Variants in ATRX observed in about 807,000 individuals in gnomAD.
ATRX encodes the protein chromatin remodeler ATRX.
ATRX carries 12 observed loss-of-function variants against 172.6 expected under a neutral mutation model. The observed-to-expected ratio is 0.07, with a 90% CI of 0.04 to 0.11. The LOEUF (loss-of-function observed/expected upper bound fraction) is 0.11. Ranked by LOEUF, ATRX falls within the 10% of genes least tolerant of loss-of-function variation. The pLI is 1.00. For missense variants in ATRX, 1,368 were observed against 1,767.4 expected, an observed-to-expected ratio of 0.77 and a Z score of 4.05; for synonymous variants, 674 against 594.7, an observed-to-expected ratio of 1.13 and a Z score of -1.94.
rs1351140430 is a variant in ATRX, at chrX:77,505,870, T to C, written c.*2481A>G. ...CCTTATATATATTACAAAACAGCCT[T>C]AAAGGAAGAAGTGACATCTTTTCTA... On this transcript the variant is annotated 3_prime_UTR_variant, in exon 35 of 35. Coordinates refer to ENST00000373344, the MANE Select transcript of ATRX (RefSeq NM_000489.6). 1 of 168,034 alleles carries C rather than the reference T, an allele frequency of 6.0e-6. No individual in the cohort carries two copies. Among genetic ancestry groups the C allele is most frequent in the Non-Finnish European group, 1.1e-5 (1 of 87,589 alleles). The allele number at this position is 168,034 out of a possible 1,213,427, so 13.8% of individuals were successfully genotyped here. A position where few individuals can be genotyped will look rare whatever the true frequency, so the allele number is the denominator to read the frequency against.
intron 1 of ATRX, among the ~76,000 whole-genome samples, chrX:77,778,032 G>A (rs984487497): frequency 2.8e-5 from 3 of 107,548 alleles, no homozygotes; most frequent in African/African-American, 3.4e-5. Flanking sequence ...GCTACTCGGA[G>A]GCTGAGGCAG....
chrX:77,615,067 T>C (rs1036667302), intron 22 of ATRX, among the ~76,000 whole-genome samples: 12 of 111,546 alleles, frequency 1.1e-4, no homozygotes, highest in African/African-American at 3.9e-4. Flanking sequence ...GGCACAATCA[T>C]GTCTCACTGC....
chrX:77,766,557 C>A (rs1333260034), intron 1 of ATRX, among the ~76,000 whole-genome samples: 1 of 108,426 alleles, frequency 9.2e-6, no homozygotes, highest in Non-Finnish European at 1.9e-5. Flanking sequence ...CGCAGCCGGG[C>A]AGAGGCGCTC....
At chrX:77,710,191 C>A (rs1438985894) in intron 2 of ATRX, among the ~76,000 whole-genome samples, 1 of 109,245 alleles carries the variant, frequency 9.2e-6, no homozygotes, top group Admixed American at 9.8e-5. Flanking sequence ...CCCAGCTACT[C>A]CGGAGGCTGA....
At chrX:77,774,273 G>A (rs2076270738) in intron 1 of ATRX, among the ~76,000 whole-genome samples, 1 of 110,777 alleles carries the variant, frequency 9.0e-6, no homozygotes, top group Non-Finnish European at 1.9e-5. Context: ...GAAATATAAT[G>A]AGTGTTCTAG....
chrX:77,573,158 A>G (rs1191814174), intron 28 of ATRX, among the ~76,000 whole-genome samples: 1 of 112,137 alleles, frequency 8.9e-6, no homozygotes, highest in Non-Finnish European at 1.9e-5. Context: ...CAGCATGTAC[A>G]AAGGCAATCT....
chrX:77,616,495 T>C, intron 22 of ATRX, 118 bp downstream of exon 22: 1 of 1,180,674 alleles, frequency 8.5e-7, no homozygotes, highest in Non-Finnish European at 1.1e-6. Flanking sequence ...GCATACCCAT[T>C]TTATTCAAAT....
At chrX:77,590,496 C>A (rs1395988794) in intron 26 of ATRX, among the ~76,000 whole-genome samples, 2 of 107,559 alleles carry the variant, frequency 1.9e-5, no homozygotes, top group African/African-American at 3.4e-5. Context: ...CCCGTAGTCC[C>A]AGCTACTCGG....
chrX:77,756,570 G>T (rs1324443991), intron 1 of ATRX, among the ~76,000 whole-genome samples: 2 of 110,266 alleles, frequency 1.8e-5, no homozygotes, highest in Non-Finnish European at 1.9e-5. Context: ...TAGACTCACG[G>T]GTTCCTTTGG....
chrX:77,594,125 G>T (rs2066385858), intron 25 of ATRX: 1 of 247,599 alleles, frequency 4.0e-6, no homozygotes, highest in African/African-American at 2.8e-5. Flanking sequence ...GAGTGCAAGT[G>T]TAAGAGACAA....
In ATRX at chrX:77,505,448, G is replaced by C. The variant is rs1278521314; in HGVS notation, c.*2903C>G. The C allele has an allele frequency of 5.8e-6, 1 of 172,592 alleles. No homozygotes were observed. Among genetic ancestry groups the C allele is most frequent in the African/African-American group, 3.0e-5 (1 of 33,701 alleles). 14.2% of individuals were successfully genotyped at this position (172,592 alleles called of 1,213,427 possible). On this transcript the variant is annotated 3_prime_UTR_variant, in exon 35 of 35. Coordinates refer to ENST00000373344, the MANE Select transcript of ATRX (RefSeq NM_000489.6). ...TTACAGCTGTTGGGAAACAGGAAAT[G>C]GGGCTGGATTACACAAAGACATCCA...
intron 22 of ATRX, among the ~76,000 whole-genome samples, chrX:77,608,103 C>T (rs1186017305): frequency 9.1e-6 from 1 of 109,317 alleles, no homozygotes; most frequent in Non-Finnish European, 1.9e-5. Context: ...ATAGGCCGGC[C>T]GGGCACAGTG....
intron 2 of ATRX, among the ~76,000 whole-genome samples, chrX:77,713,373 C>T (rs2073207162): frequency 9.0e-6 from 1 of 111,245 alleles, no homozygotes; most frequent in African/African-American, 3.3e-5. Context: ...GCACATCACA[C>T]ACCCTGATCT....
intron 27 of ATRX, among the ~76,000 whole-genome samples, chrX:77,574,576 T>A (rs1231809937): frequency 1.8e-5 from 2 of 112,235 alleles, no homozygotes; most frequent in African/African-American, 6.4e-5. Flanking sequence ...AGCACAGGTA[T>A]TTTTAAAGCC....
intron 7 of ATRX, among the ~76,000 whole-genome samples, chrX:77,688,098 C>T (rs1160292457): frequency 2.7e-5 from 3 of 110,237 alleles, no homozygotes; most frequent in Non-Finnish European, 1.9e-5. Context: ...CCACCATGCC[C>T]GGCTAATTTT....
At chrX:77,641,222 G>T (rs1369955973) in intron 15 of ATRX, among the ~76,000 whole-genome samples, 1 of 111,246 alleles carries the variant, frequency 9.0e-6, no homozygotes, top group Admixed American at 9.6e-5. Flanking sequence ...CAACAAAAAT[G>T]GGACAAGAAG....
rs181458593 is a variant in ATRX, at chrX:77,743,568, A to G, written c.21-26325T>C. ...CTCCCAGGGGACAGAGGTCAGGGAT[A>G]ACACCCTACCAGTACCGCCTCAGCT... is the stretch of plus-strand genomic sequence containing the variant. On this transcript the variant is annotated intron_variant, in intron 1 of 34. Coordinates refer to ENST00000373344, the MANE Select transcript of ATRX (RefSeq NM_000489.6). 2.0e-4 allele frequency among the ~76,000 whole-genome samples: 22 copies of G among 111,442 alleles called. 1 individual carries two copies. Among genetic ancestry groups the G allele is most frequent in the Admixed American group, 4.8e-4 (5 of 10,456 alleles).
intron 15 of ATRX, among the ~76,000 whole-genome samples, chrX:77,645,982 G>A (rs1391685427): frequency 9.0e-6 from 1 of 111,338 alleles, no homozygotes; most frequent in Non-Finnish European, 1.9e-5. Context: ...AAAGTGAGAT[G>A]GGAATCAAAA....
At chrX:77,509,556 C>T (rs992425991) in intron 34 of ATRX, among the ~76,000 whole-genome samples, 5 of 111,745 alleles carry the variant, frequency 4.5e-5, no homozygotes, top group Non-Finnish European at 7.5e-5. Context: ...CTTGAACTGC[C>T]AATGCCACCC....
Sources: allele counts gnomAD v4.1 joint callset (sites outside exome capture counted in the v4.1 genomes callset), GRCh38; gene constraint gnomAD v4.1.1; transcripts MANE v1.5; gene names NCBI Gene and HGNC (gene_info 2026-07-23, HGNC 2026-07-21).